The following COL10A1 variants were observed in gnomAD, a reference collection of about 807,000 sequenced individuals.
COL10A1 encodes collagen type X alpha 1 chain.
In COL10A1, 10 loss-of-function variants were observed where a neutral mutation model predicts 18.2. That is an observed-to-expected ratio of 0.55 (90% CI 0.34 to 0.93). The LOEUF (loss-of-function observed/expected upper bound fraction) is 0.93. Among genes scored for constraint, COL10A1 ranks in the 40% least tolerant of loss-of-function variants. The probability of loss-of-function intolerance (pLI) is 0.02; values close to 1 mark genes in which losing one functional copy is unlikely to be tolerated. For synonymous variants in COL10A1, 330 were observed against 316.6 expected (o/e 1.04, Z -0.45); for missense variants, 897 against 853.5 (o/e 1.05, Z -0.64).
the COL10A1 span, among the ~76,000 whole-genome samples, chr6:116,175,967 T>A: frequency 6.6e-6 from 1 of 152,172 alleles, no homozygotes; most frequent in African/African-American, 2.4e-5. Flanking sequence ...TGTTTGTTTG[T>A]TTGTTTTGTA....
At chr6:116,157,961 T>C (rs1189502685) in intron 1 of COL10A1, among the ~76,000 whole-genome samples, 2 of 152,174 alleles carry the variant, frequency 1.3e-5, no homozygotes, top group East Asian at 3.8e-4. Context: ...GAACAGCATA[T>C]TTTCCAATTA....
At chr6:116,214,250 A>C in the COL10A1 span, among the ~76,000 whole-genome samples, 1 of 152,266 alleles carries the variant, frequency 6.6e-6, no homozygotes, top group East Asian at 1.9e-4. Flanking sequence ...TAGTACACTG[A>C]AAAAACATAA....
At chr6:116,156,096 T>TA (rs1780186001) in intron 1 of COL10A1, among the ~76,000 whole-genome samples, 1 of 152,196 alleles carries the variant, frequency 6.6e-6, no homozygotes, top group African/African-American at 2.4e-5. Flanking sequence ...ATCTTGAAGT[T>TA]ATGTAAAGGT....
At chr6:116,192,702 G>A in the COL10A1 span, among the ~76,000 whole-genome samples, 1 of 152,068 alleles carries the variant, frequency 6.6e-6, no homozygotes, top group Non-Finnish European at 1.5e-5. Flanking sequence ...CCTGTATAGA[G>A]AGTGTAAAAC....
chr6:116,212,135 T>G, the COL10A1 span, among the ~76,000 whole-genome samples: 22 of 152,104 alleles, frequency 1.4e-4, no homozygotes, highest in Admixed American at 1.4e-3. Flanking sequence ...TATTAAAAAG[T>G]TAATAACTCT....
intron 1 of COL10A1, among the ~76,000 whole-genome samples, chr6:116,154,769 C>A (rs1225259048): frequency 1.3e-5 from 2 of 152,162 alleles, no homozygotes; most frequent in Non-Finnish European, 2.9e-5. Flanking sequence ...AAAAACAAAG[C>A]ACCGTTTGAT....
chr6:116,171,855 A>G, the COL10A1 span, among the ~76,000 whole-genome samples: 1 of 152,248 alleles, frequency 6.6e-6, no homozygotes, highest in African/African-American at 2.4e-5. Context: ...TTAAAGAGGT[A>G]CTTAAACAGT....
chr6:116,208,014 G>C, the COL10A1 span, among the ~76,000 whole-genome samples: 1 of 151,862 alleles, frequency 6.6e-6, no homozygotes, highest in Admixed American at 6.6e-5. Flanking sequence ...GAAACACAGT[G>C]AAAGTTCTAT....
At chr6:116,172,182 C>A in the COL10A1 span, among the ~76,000 whole-genome samples, 1 of 151,946 alleles carries the variant, frequency 6.6e-6, no homozygotes, top group East Asian at 1.9e-4. Context: ...ATGATTTCCT[C>A]ATAGAAAGAT....
chr6:116,161,288 A>G (rs1473449885), upstream of COL10A1, among the ~76,000 whole-genome samples: 3 of 151,932 alleles, frequency 2.0e-5, no homozygotes, highest in Non-Finnish European at 4.4e-5. Context: ...ACATGTATAC[A>G]TATGTAACTA....
the COL10A1 span, among the ~76,000 whole-genome samples, chr6:116,174,379 A>G: frequency 1.3e-5 from 2 of 152,160 alleles, no homozygotes; most frequent in Non-Finnish European, 2.9e-5. Flanking sequence ...TGACCTTACT[A>G]ATAGGTCTGT....
the COL10A1 span, among the ~76,000 whole-genome samples, chr6:116,179,234 A>G: frequency 2.6e-5 from 4 of 152,172 alleles, no homozygotes; most frequent in African/African-American, 9.6e-5. Flanking sequence ...ATTTTTCACT[A>G]TTAATGTGAA....
intron 1 of COL10A1, chr6:116,145,368 T>A: frequency 3.3e-6 from 1 of 301,812 alleles, no homozygotes; most frequent in Non-Finnish European, 7.5e-6. Flanking sequence ...AAATCAACAT[T>A]AAATTGATGG....
the COL10A1 span, among the ~76,000 whole-genome samples, chr6:116,189,336 G>T: frequency 2.6e-5 from 4 of 151,808 alleles, no homozygotes; most frequent in African/African-American, 9.6e-5. Flanking sequence ...CTCACAACCC[G>T]ATTTGAGACT....
the COL10A1 span, among the ~76,000 whole-genome samples, chr6:116,202,285 T>C: frequency 1.3e-5 from 2 of 152,002 alleles, no homozygotes; most frequent in Non-Finnish European, 2.9e-5. Flanking sequence ...TTTTTTCTTA[T>C]GCTTAGCATG....
upstream of COL10A1, among the ~76,000 whole-genome samples, chr6:116,163,014 C>G (rs1352224382): frequency 2.0e-5 from 3 of 150,936 alleles, no homozygotes; most frequent in Non-Finnish European, 3.0e-5. Flanking sequence ...ATAGTCCCAG[C>G]TACTCAGGAA....
chr6:116,124,310 G>A (rs1017085172), intron 2 of COL10A1, among the ~76,000 whole-genome samples: 2 of 152,106 alleles, frequency 1.3e-5, no homozygotes, highest in African/African-American at 4.8e-5. Flanking sequence ...TGGAAAGGGA[G>A]TTTGAAGCCT....
the COL10A1 span, among the ~76,000 whole-genome samples, chr6:116,198,902 G>A: frequency 6.6e-6 from 1 of 151,940 alleles, no homozygotes; most frequent in Admixed American, 6.6e-5. Flanking sequence ...AACTAATTCA[G>A]TTAGAATATA....
chr6:116,158,155 T>A (rs1780244438), intron 1 of COL10A1, among the ~76,000 whole-genome samples: 1 of 152,218 alleles, frequency 6.6e-6, no homozygotes, highest in African/African-American at 2.4e-5. Context: ...CAGTTTTTAT[T>A]ACAAATAAAT....
Sources: allele counts gnomAD v4.1 joint callset (sites outside exome capture counted in the v4.1 genomes callset), GRCh38; gene constraint gnomAD v4.1.1; transcripts MANE v1.5; gene names NCBI Gene and HGNC (gene_info 2026-07-23, HGNC 2026-07-21).